PLEKHA6: variants seen among roughly 807,000 people sequenced by gnomAD.
PLEKHA6 encodes the protein pleckstrin homology domain-containing family A member 6.
In PLEKHA6, 60 loss-of-function variants were observed where a neutral mutation model predicts 116.7. The observed-to-expected ratio is 0.51, with a 90% CI of 0.42 to 0.64. PLEKHA6 has a LOEUF of 0.64. Ranked by LOEUF, PLEKHA6 falls within the 30% of genes least tolerant of loss-of-function variation. The pLI is 0.00. For synonymous variants in PLEKHA6, 489 were observed against 556.1 expected, an observed-to-expected ratio of 0.88 and a Z score of 1.70; for missense variants, 1,338 against 1,422.7, an observed-to-expected ratio of 0.94 and a Z score of 0.96.
At chr1:204,243,078 C>T (rs1558045358) in intron 15 of PLEKHA6, 4 of 399,102 alleles carry the variant, frequency 1.0e-5, no homozygotes, top group Non-Finnish European at 1.8e-5. Context: ...CCATTGTCCC[C>T]TGCCCCACCC....
Position 204,229,031 on chromosome 1 carries a change from C to A in PLEKHA6, c.2657G>T (p.Gly886Val). Reference sequence around the variant, plus strand: ...CCGGGGTGTCTCGTAGGCATGCCCGCCAGGCTCCTCTGCCCGCAGGGCTGC... The same window carrying A: ...CCGGGGTGTCTCGTAGGCATGCCCGACAGGCTCCTCTGCCCGCAGGGCTGC... ...LEAALRAEEP[G>V]GHAYETPREE... is the part of the protein sequence containing the mutation. The change falls in exon 19 of 23, where the codon GGC becomes GTC. Residue 886 changes from glycine (G) to valine (V), a missense_variant. Physicochemically the swap from Gly to Val is moderately radical, Grantham distance 109. Transcript: ENST00000272203. 2 of 1,614,152 alleles carry A rather than the reference C, an allele frequency of 1.2e-6. No homozygotes were observed. Among genetic ancestry groups the A allele is most frequent in the Non-Finnish European group, 1.7e-6 (2 of 1,180,006 alleles).
At chr1:204,360,470 A>T (rs1025331175), upstream of PLEKHA6, among the ~76,000 whole-genome samples, 1 of 147,356 alleles carries the variant, frequency 6.8e-6, no homozygotes, top group African/African-American at 2.5e-5. Context: ...GTGGGGTGTG[A>T]GTGGGTTGTG....
At chr1:204,313,693 C>T in intron 1 of PLEKHA6, 1 of 985,358 alleles carries the variant, frequency 1.0e-6, no homozygotes. Context: ...AGATTTTCAC[C>T]TGACATTCTG....
At chr1:204,260,013 C>A (rs903894622) in intron 7 of PLEKHA6, among the ~76,000 whole-genome samples, 24 of 152,180 alleles carry the variant, frequency 1.6e-4, no homozygotes, top group Non-Finnish European at 3.4e-4. Context: ...TTCTCCACCC[C>A]ACTCCCCTCT....
rs989523109 is a variant in PLEKHA6 at position 204,281,247 on chromosome 1, C to T, written c.-94-6438G>A. Among the ~76,000 whole-genome samples, 16 of 152,116 alleles carry T rather than the reference C, an allele frequency of 1.1e-4. No individual in the cohort carries two copies. The East Asian group carries it at 3.1e-3, about 29-fold the overall frequency. ...CCAAAAACAAACAAACAAAAAAGGC[C>T]GGGGGCGGTGGCTCACACCTGTCAC... is the stretch of plus-strand genomic sequence containing the variant. On this transcript the variant is annotated intron_variant, in intron 1 of 22. Coordinates refer to ENST00000272203, the MANE Select transcript of PLEKHA6 (RefSeq NM_014935.5).
chr1:204,297,936 C>T (rs1459448338), intron 1 of PLEKHA6: 3 of 979,676 alleles, frequency 3.1e-6, no homozygotes, highest in Admixed American at 6.2e-5. Context: ...GCTGTCCTCC[C>T]CCTACTCCTC....
chr1:204,266,426 G>A (rs1251853609), intron 5 of PLEKHA6, among the ~76,000 whole-genome samples: 1 of 152,146 alleles, frequency 6.6e-6, no homozygotes, highest in African/African-American at 2.4e-5. Context: ...ACTCTCCTGT[G>A]CAGAGACCCC....
Position 204,273,722 on chromosome 1 carries a change from G to A in PLEKHA6, c.6C>T (p.Ser2=), listed in dbSNP as rs761477945. 8 of 1,612,576 alleles carry A rather than the reference G, an allele frequency of 5.0e-6. No homozygotes were observed. In the South Asian group the frequency reaches 7.7e-5, roughly 15 times the overall value. Residue 2 remains serine, a synonymous_variant, in exon 3 of 23, where the codon TCC becomes TCT. Transcript: ENST00000272203. M[S]NKTGGKRPAT... Reference sequence around the variant, plus strand: ...CCGGGCGTTTCCCACCTGTTTTATTGGACATGTCCAAGGTCGATCTGATTT... The same window carrying A: ...CCGGGCGTTTCCCACCTGTTTTATTAGACATGTCCAAGGTCGATCTGATTT...
intron 1 of PLEKHA6, among the ~76,000 whole-genome samples, chr1:204,375,203 C>T (rs1673845687): frequency 6.6e-6 from 1 of 152,130 alleles, no homozygotes. Context: ...TCTACCCCCA[C>T]ACGATGACCC....
In PLEKHA6 at chr1:204,228,230, TGAA is replaced by T; in HGVS notation, c.2886-5_2886-3del. 1 of 1,598,006 alleles carries T rather than the reference TGAA, an allele frequency of 6.3e-7. No homozygotes were observed. The highest frequency in any genetic ancestry group is 8.5e-7 in the Non-Finnish European group (1 of 1,170,080). On this transcript the variant is annotated splice_region_variant and splice_polypyrimidine_tract_variant and intron_variant, in intron 20 of 22. Transcript: ENST00000272203. The surrounding 1 kb of genome is among the most constrained non-coding windows in gnomAD (Gnocchi z 4.0). Reference sequence around the variant, plus strand: ...CCGATGGGCACCACGTTCTGCATACTGAAGAGGCACAGACACACAGAAATGGAG... The same window carrying T: ...CCGATGGGCACCACGTTCTGCATACTGAGGCACAGACACACAGAAATGGAG...
At chr1:204,294,480 G>A (rs1411529502) in intron 1 of PLEKHA6, among the ~76,000 whole-genome samples, 1 of 152,228 alleles carries the variant, frequency 6.6e-6, no homozygotes, top group East Asian at 1.9e-4. Flanking sequence ...TACACAGTTA[G>A]GAAGTGAGAG....
At chr1:204,375,973 C>T (rs1281862508) in intron 1 of PLEKHA6, among the ~76,000 whole-genome samples, 3 of 146,314 alleles carry the variant, frequency 2.1e-5, no homozygotes, top group African/African-American at 7.8e-5. Context: ...TCTGGGAAGC[C>T]CTCACTGAAC....
At chr1:204,263,740 G>A (rs1429494610) in intron 6 of PLEKHA6, among the ~76,000 whole-genome samples, 1 of 150,310 alleles carries the variant, frequency 6.7e-6, no homozygotes, top group Non-Finnish European at 1.5e-5. Context: ...TTGATTGTGT[G>A]TGTGGGTGTG....
At chr1:204,251,106 C>T (rs544938257) in intron 9 of PLEKHA6, among the ~76,000 whole-genome samples, 53 of 152,334 alleles carry the variant, frequency 3.5e-4, no homozygotes, top group Middle Eastern at 3.4e-3. Context: ...GAAGCGTCTC[C>T]GGATCCAGTA....
At chr1:204,348,722 C>A (rs112298960) in intron 1 of PLEKHA6, among the ~76,000 whole-genome samples, 3 of 116,456 alleles carry the variant, frequency 2.6e-5, no homozygotes, top group Admixed American at 1.9e-4. Context: ...AAACCCCCCC[C>A]CCGCCATCTC....
chr1:204,241,962 G>A, intron 15 of PLEKHA6, 148 bp from the exon 16 acceptor site: 1 of 858,700 alleles, frequency 1.2e-6, no homozygotes, highest in Non-Finnish European at 1.9e-6. Flanking sequence ...CGCCTGGGAG[G>A]CGGACAGGAA....
At chr1:204,360,471 G>C (rs1296111213), upstream of PLEKHA6, among the ~76,000 whole-genome samples, 1 of 151,604 alleles carries the variant, frequency 6.6e-6, no homozygotes, top group Non-Finnish European at 1.5e-5. Context: ...TGGGGTGTGA[G>C]TGGGTTGTGG....
intron 1 of PLEKHA6, among the ~76,000 whole-genome samples, chr1:204,295,441 G>A (rs1044336221): frequency 6.6e-6 from 1 of 151,646 alleles, no homozygotes; most frequent in Non-Finnish European, 1.5e-5. Flanking sequence ...AGTGAGCTGA[G>A]GTCATGCTAT....
chr1:204,372,578 A>T (rs1673795811), intron 1 of PLEKHA6, among the ~76,000 whole-genome samples: 1 of 152,202 alleles, frequency 6.6e-6, no homozygotes, highest in Admixed American at 6.5e-5. Flanking sequence ...AATAAACTCC[A>T]CTAAGAAAGA....
Sources: gnomAD v4.1 joint callset for allele counts (sites outside exome capture counted in the v4.1 genomes callset) on GRCh38, gnomAD v4.1.1 for gene constraint, Gnocchi (gnomAD v3.1) non-coding constraint, MANE v1.5 for transcripts, NCBI Gene and HGNC (gene_info 2026-07-23, HGNC 2026-07-21) for gene names.